Variants in ABL1 observed in about 807,000 individuals in gnomAD.
ABL1 encodes ABL proto-oncogene 1, non-receptor tyrosine kinase.
Under a neutral mutation model 94.7 loss-of-function variants are expected in ABL1, and 11 were observed. That is an observed-to-expected ratio of 0.12 (90% CI 0.07 to 0.19). The LOEUF is 0.19. Ranked by LOEUF, ABL1 falls within the 10% of genes least tolerant of loss-of-function variation. The pLI, the probability that ABL1 is intolerant of heterozygous loss-of-function variation, is 1.00. For synonymous variants in ABL1, 656 were observed against 622.4 expected (o/e 1.05, Z -0.80); for missense variants, 1,082 against 1,489.4 (o/e 0.73, Z 4.50).
At chr9:130,875,483 G>A (rs1172352540) in intron 7 of ABL1, among the ~76,000 whole-genome samples, 1 of 150,634 alleles carries the variant, frequency 6.6e-6, no homozygotes, top group African/African-American at 2.4e-5. Context: ...TTGGCCTGAG[G>A]TCCAAATATG....
chr9:130,750,534 C>T (rs1831949788), intron 1 of ABL1, among the ~76,000 whole-genome samples: 1 of 150,342 alleles, frequency 6.7e-6, no homozygotes, highest in African/African-American at 2.4e-5. Context: ...TTACTGCAAC[C>T]TCCCCATCCT....
intron 1 of ABL1, among the ~76,000 whole-genome samples, chr9:130,843,916 T>G (rs961882149): frequency 2.6e-5 from 4 of 152,034 alleles, no homozygotes; most frequent in Non-Finnish European, 5.9e-5. Flanking sequence ...GCTCAGACTT[T>G]TACTATAGTG....
intron 1 of ABL1, among the ~76,000 whole-genome samples, chr9:130,809,381 T>TGAGAGAGAGAGAGAGA (rs370101656): frequency 1.5e-5 from 2 of 132,578 alleles, no homozygotes; most frequent in South Asian, 2.7e-4. Context: ...TGAAGGTTCT[T>TGAGAGAGAGAGAGAGA]GAGAGAGAGA....
At chr9:130,861,475 C>T (rs1417552550) in intron 3 of ABL1, among the ~76,000 whole-genome samples, 1 of 152,212 alleles carries the variant, frequency 6.6e-6, no homozygotes, top group Non-Finnish European at 1.5e-5. Flanking sequence ...TTTACTATTA[C>T]AGACGTATAG....
chr9:130,827,676 C>T (rs1830442306), intron 1 of ABL1, among the ~76,000 whole-genome samples: 1 of 152,080 alleles, frequency 6.6e-6, no homozygotes, highest in Non-Finnish European at 1.5e-5. Context: ...GGACAGTTCA[C>T]CTGCGGTCAG....
chr9:130,871,989 T>A, intron 4 of ABL1, 140 bp from the exon 5 acceptor site: 2 of 670,740 alleles, frequency 3.0e-6, no homozygotes, highest in Middle Eastern at 2.5e-4. Flanking sequence ...ATGGAACCTG[T>A]CTGCAGCAAT....
chr9:130,792,487 T>C (rs879708836), intron 1 of ABL1, among the ~76,000 whole-genome samples: 16 of 152,174 alleles, frequency 1.1e-4, no homozygotes, highest in Admixed American at 1.0e-3. Flanking sequence ...CTATGAGTCC[T>C]TCAGTTCTCC....
intron 1 of ABL1, among the ~76,000 whole-genome samples, chr9:130,804,540 C>T (rs1240787835): frequency 1.3e-5 from 2 of 152,148 alleles, no homozygotes; most frequent in Non-Finnish European, 2.9e-5. Flanking sequence ...GCCAGGATCG[C>T]GCCATTGCAC....
intron 1 of ABL1, among the ~76,000 whole-genome samples, chr9:130,780,900 C>A (rs934373616): frequency 4.6e-5 from 7 of 152,190 alleles, no homozygotes; most frequent in Non-Finnish European, 1.0e-4. Flanking sequence ...GGTGATCAGA[C>A]CCTAATGAAA....
At chr9:130,811,879 T>C (rs1830211288) in intron 1 of ABL1, among the ~76,000 whole-genome samples, 1 of 131,240 alleles carries the variant, frequency 7.6e-6, no homozygotes, top group Non-Finnish European at 1.5e-5. Flanking sequence ...GCTACTGCAC[T>C]GTAGTCTGAG....
intron 1 of ABL1, among the ~76,000 whole-genome samples, chr9:130,797,514 A>G (rs1829995857): frequency 6.6e-6 from 1 of 152,078 alleles, no homozygotes; most frequent in African/African-American, 2.4e-5. Flanking sequence ...AGCTGGTACT[A>G]CAGGCGTGTG....
intron 1 of ABL1, chr9:130,724,746 TTAAAAA>T: frequency 2.6e-6 from 1 of 383,456 alleles, no homozygotes; most frequent in Non-Finnish European, 4.9e-6. Context: ...AACCCTGTCT[TTAAAAA>T]AAAAAAAAAA....
At chr9:130,867,255 C>T (rs984362819) in intron 4 of ABL1, among the ~76,000 whole-genome samples, 5 of 152,148 alleles carry the variant, frequency 3.3e-5, no homozygotes, top group African/African-American at 1.2e-4. Context: ...TGACAGCATC[C>T]CATAGGCACG....
Position 130,822,199 on chromosome 9 carries a change from T to G in ABL1, c.137-31865T>G, listed in dbSNP as rs1830371899. ...GTTGATCAGGCTGGTCTCAAACTCC[T>G]GACCTCAGGTGATCCACCCACCTTG... is the stretch of plus-strand genomic sequence containing the variant. On this transcript the variant is annotated intron_variant, in intron 1 of 10. Coordinates refer to the ABL1 transcript ENST00000372348. Among the ~76,000 whole-genome samples, 5 of 152,100 alleles carry G rather than the reference T, an allele frequency of 3.3e-5. No individual in the cohort carries two copies. In the South Asian group the frequency reaches 1.0e-3, roughly 32 times the overall value.
At chr9:130,798,786 G>A (rs1220518979) in intron 1 of ABL1, among the ~76,000 whole-genome samples, 4 of 151,944 alleles carry the variant, frequency 2.6e-5, no homozygotes, top group South Asian at 2.1e-4. Flanking sequence ...GGCCAATATG[G>A]TGAAACCCTG....
chr9:130,847,299 C>G (rs942973265), intron 1 of ABL1, among the ~76,000 whole-genome samples: 1 of 151,790 alleles, frequency 6.6e-6, no homozygotes, highest in Non-Finnish European at 1.5e-5. Context: ...ATAGCAGATG[C>G]TAAAATTTAT....
intron 1 of ABL1, among the ~76,000 whole-genome samples, chr9:130,789,114 C>A (rs1256364727): frequency 6.6e-6 from 1 of 152,122 alleles, no homozygotes; most frequent in Non-Finnish European, 1.5e-5. Context: ...AAATACAAAC[C>A]TTGGGTTCTC....
rs34213976 is a variant in ABL1 at position 130,878,768 on chromosome 9, G to A, written c.1423+201G>A. 5.5e-3 allele frequency among the ~76,000 whole-genome samples: 841 copies of A among 152,028 alleles called. 21 individuals carry two copies. The East Asian group carries it at 0.081, about 15-fold the overall frequency. ...GTATGTGCGTGACTTGTCTTTTAAA[G>A]CAAAAATGGTATTGATAGATACCAA... On this transcript the variant is annotated intron_variant, in intron 8 of 10. Coordinates refer to ENST00000318560, the MANE Select transcript of ABL1 (RefSeq NM_005157.6).
chr9:130,854,281 A>C (rs754512605), intron 2 of ABL1, 44 bp downstream of exon 2: 1 of 1,594,582 alleles, frequency 6.3e-7, no homozygotes, highest in Non-Finnish European at 8.6e-7. Flanking sequence ...AGGAGATAGA[A>C]ATCTGGGAAT....
Sources: allele counts gnomAD v4.1 joint callset (sites outside exome capture counted in the v4.1 genomes callset), GRCh38; gene constraint gnomAD v4.1.1; transcripts MANE v1.5; gene names NCBI Gene and HGNC (gene_info 2026-07-23, HGNC 2026-07-21).